Variants in CDH19 observed in about 807,000 individuals in gnomAD.
CDH19 encodes the protein cadherin 19.
CDH19 carries 67 observed loss-of-function variants against 64.2 expected under a neutral mutation model. The ratio of observed to expected loss-of-function variants is 1.04; its 90% CI spans 0.86 to 1.28. The LOEUF (loss-of-function observed/expected upper bound fraction) is 1.28. Ranked by LOEUF, CDH19 falls within the 50% of genes most tolerant of loss-of-function variation. The probability of loss-of-function intolerance (pLI) is 0.00; values close to 1 mark genes in which losing one functional copy is unlikely to be tolerated. For missense variants in CDH19, 1,030 were observed against 929.0 expected (o/e 1.11, Z -1.41); for synonymous variants, 346 against 319.3 (o/e 1.08, Z -0.89).
At chr18:66,548,501 C>T (rs1987222266) in intron 5 of CDH19, among the ~76,000 whole-genome samples, 1 of 120,524 alleles carries the variant, frequency 8.3e-6, no homozygotes, top group African/African-American at 3.4e-5. Flanking sequence ...AAAGAAAAGG[C>T]AAGGAAGGAA....
intron 6 of CDH19, among the ~76,000 whole-genome samples, chr18:66,544,505 A>G (rs570184192): frequency 6.6e-6 from 1 of 152,186 alleles, no homozygotes; most frequent in East Asian, 1.9e-4. Context: ...TATTTTCCAA[A>G]AAGTTTTATT....
intron 9 of CDH19, among the ~76,000 whole-genome samples, chr18:66,517,278 C>T (rs1985778284): frequency 6.6e-6 from 1 of 151,784 alleles, no homozygotes. Context: ...AAAATTTTTA[C>T]ATGGAGACAA....
intron 1 of CDH19, among the ~76,000 whole-genome samples, chr18:66,574,603 G>A (rs1988211713): frequency 6.6e-6 from 1 of 151,614 alleles, no homozygotes; most frequent in African/African-American, 2.4e-5. Context: ...ATTGAGTTGT[G>A]AGACAATTTC....
intron 1 of CDH19, among the ~76,000 whole-genome samples, chr18:66,595,090 C>T (rs548965416): frequency 1.5e-4 from 23 of 151,114 alleles, no homozygotes; most frequent in Admixed American, 7.2e-4. Flanking sequence ...TGCTCCTGAA[C>T]GACCTTCAGG....
At position 66,534,978 on chromosome 18, in the gene CDH19, G is replaced by A; in HGVS notation, c.1336+8C>T. On this transcript the variant is annotated splice_region_variant and intron_variant, in intron 8 of 11. Transcript: ENST00000262150. Reference sequence around the variant, plus strand: ...AACAACTGTATTGGATTTCAAATGAGTACTTACATTTTTCTGTGGCTGTAA... The same window carrying A: ...AACAACTGTATTGGATTTCAAATGAATACTTACATTTTTCTGTGGCTGTAA... 2.1e-6 allele frequency: 3 copies of A among 1,443,428 alleles called. No homozygotes were observed. In the South Asian group the frequency reaches 4.8e-5, roughly 23 times the overall value. 89.4% of individuals were successfully genotyped at this position (1,443,428 alleles called of 1,614,324 possible). A position where few individuals can be genotyped will look rare whatever the true frequency, so the allele number is the denominator to read the frequency against.
Position 66,505,328 on chromosome 18 carries a change from T to A in CDH19, c.1829-26A>T, listed in dbSNP as rs1555682643. ...CTGATGAAGAAAGCACATCAGAATA[T>A]CAATAAACAATAAAGAGTATTATAA... On this transcript the variant is annotated intron_variant, in intron 11 of 11. Coordinates refer to ENST00000262150, the MANE Select transcript of CDH19 (RefSeq NM_021153.4). 2.0e-6 allele frequency: 3 copies of A among 1,500,536 alleles called. No homozygotes were observed. The South Asian group carries it at 4.1e-5, about 21-fold the overall frequency. The allele number at this position is 1,500,536 out of a possible 1,614,324, so 93.0% of individuals were successfully genotyped here.
intron 3 of CDH19, 113 bp from the exon 4 acceptor site, chr18:66,554,637 A>C (rs1987454832): frequency 1.1e-5 from 8 of 736,266 alleles, no homozygotes; most frequent in African/African-American, 1.8e-5. Flanking sequence ...ATGAAAGCTC[A>C]ATTCACCTCC....
chr18:66,511,066 G>A (rs954217771), intron 10 of CDH19, among the ~76,000 whole-genome samples: 1 of 151,670 alleles, frequency 6.6e-6, no homozygotes, highest in African/African-American at 2.4e-5. Context: ...AAGTTCTTTG[G>A]AACACTTAAT....
chr18:66,584,845 C>G (rs1988529801), intron 1 of CDH19, among the ~76,000 whole-genome samples: 1 of 152,014 alleles, frequency 6.6e-6, no homozygotes, highest in African/African-American at 2.4e-5. Context: ...GTTCTTATGA[C>G]AAGATATACT....
chr18:66,554,703 C>A (rs1483192382), intron 3 of CDH19, among the ~76,000 whole-genome samples, 179 bp from the exon 4 acceptor site: 7 of 151,422 alleles, frequency 4.6e-5, no homozygotes, highest in Admixed American at 2.6e-4. Context: ...TTTTTTCAGG[C>A]AAAAGAATAT....
intron 3 of CDH19, among the ~76,000 whole-genome samples, chr18:66,558,505 G>T (rs899325176): frequency 6.6e-6 from 1 of 151,634 alleles, no homozygotes; most frequent in South Asian, 2.1e-4. Context: ...CTTGTATTCG[G>T]CAGAAATCCT....
intron 7 of CDH19, among the ~76,000 whole-genome samples, chr18:66,538,753 T>A (rs1425201017): frequency 6.6e-6 from 1 of 152,008 alleles, no homozygotes; most frequent in South Asian, 2.1e-4. Flanking sequence ...TAGGGGTGAA[T>A]CCTTCCTTCC....
intron 8 of CDH19, chr18:66,532,628 C>T (rs1000950071): frequency 5.3e-5 from 21 of 399,450 alleles, no homozygotes; most frequent in Admixed American, 4.3e-4. Flanking sequence ...TTCTTGGAAG[C>T]TTTAGGATCC....
chr18:66,551,331 T>A, intron 4 of CDH19, 73 bp from the exon 5 acceptor site: 1 of 834,298 alleles, frequency 1.2e-6, no homozygotes, highest in Non-Finnish European at 2.0e-6. Flanking sequence ...TTCTTAACCA[T>A]TGCAGTATAC....
chr18:66,512,259 T>C (rs1985527342), intron 9 of CDH19, among the ~76,000 whole-genome samples: 1 of 151,610 alleles, frequency 6.6e-6, no homozygotes, highest in Admixed American at 6.6e-5. Context: ...AGTTCATCTC[T>C]ATATCTCAGA....
intron 7 of CDH19, among the ~76,000 whole-genome samples, chr18:66,540,565 G>A (rs2144469637): frequency 6.6e-6 from 1 of 152,224 alleles, no homozygotes; most frequent in Non-Finnish European, 1.5e-5. Context: ...CTTCTGACAA[G>A]AGCACTCTTT....
chr18:66,530,294 A>G (rs959819957), intron 8 of CDH19, among the ~76,000 whole-genome samples: 4 of 152,212 alleles, frequency 2.6e-5, no homozygotes, highest in African/African-American at 9.6e-5. Flanking sequence ...AACCATTTAA[A>G]GTTTTGTATT....
At chr18:66,603,221 A>T (rs981238507) in intron 1 of CDH19, among the ~76,000 whole-genome samples, 2 of 150,702 alleles carry the variant, frequency 1.3e-5, no homozygotes, top group African/African-American at 4.8e-5. Context: ...GAAATATTTT[A>T]TTATAATTAG....
chr18:66,558,553 T>C (rs1987605918), intron 3 of CDH19, among the ~76,000 whole-genome samples: 1 of 151,914 alleles, frequency 6.6e-6, no homozygotes, highest in Non-Finnish European at 1.5e-5. Flanking sequence ...ATCACAATAA[T>C]AATTAAATAT....
Sources: gnomAD v4.1 joint callset for allele counts (sites outside exome capture counted in the v4.1 genomes callset) on GRCh38, gnomAD v4.1.1 for gene constraint, MANE v1.5 for transcripts, NCBI Gene and HGNC (gene_info 2026-07-23, HGNC 2026-07-21) for gene names.